The following KAZN variants were observed in gnomAD, a reference collection of about 807,000 sequenced individuals.
KAZN encodes kazrin.
Under a neutral mutation model 87.4 loss-of-function variants are expected in KAZN, and 40 were observed. The ratio of observed to expected loss-of-function variants is 0.46; its 90% CI spans 0.36 to 0.60. The LOEUF (loss-of-function observed/expected upper bound fraction) is 0.60. KAZN is among the 20% of genes least tolerant of loss of function. The pLI is 0.00. For missense variants in KAZN, 898 were observed against 1,073.9 expected (o/e 0.84, Z 2.29); for synonymous variants, 466 against 458.3 (o/e 1.02, Z -0.22).
chr1:14,621,693 T>A (rs898319497), intron 1 of KAZN, among the ~76,000 whole-genome samples: 1 of 152,166 alleles, frequency 6.6e-6, no homozygotes, highest in African/African-American at 2.4e-5. Context: ...CCTGTGGTAG[T>A]GAATAAGTCT....
At chr1:14,088,045 TG>T (rs1290142318) in intron 1 of KAZN, among the ~76,000 whole-genome samples, 29 of 151,220 alleles carry the variant, frequency 1.9e-4, no homozygotes, top group Non-Finnish European at 3.3e-4. Context: ...CTTTAAATGT[TG>T]GGTAAAATTC....
At chr1:15,022,189 C>T (rs919254830) in intron 2 of KAZN, among the ~76,000 whole-genome samples, 2 of 151,898 alleles carry the variant, frequency 1.3e-5, no homozygotes, top group African/African-American at 4.8e-5. Flanking sequence ...GGCCATGCAC[C>T]CCCCTCCCTC....
Position 14,410,983 on chromosome 1 carries a change from A to T in KAZN, c.250-188000A>T, listed in dbSNP as rs570000232. On this transcript the variant is annotated intron_variant, in intron 2 of 16. Coordinates refer to the KAZN transcript ENST00000636203. ...TGTTTAAGCCGCCAAGTTTCTGGTG[A>T]TTTGTTTCAGCATCCCTAGGAAACG... is the stretch of plus-strand genomic sequence containing the variant. Among the ~76,000 whole-genome samples, 5 of 152,332 alleles carry T rather than the reference A, an allele frequency of 3.3e-5. No homozygotes were observed. The East Asian group carries it at 5.8e-4, about 18-fold the overall frequency.
chr1:14,488,075 A>G (rs1669441493), intron 2 of KAZN, among the ~76,000 whole-genome samples: 1 of 152,210 alleles, frequency 6.6e-6, no homozygotes, highest in African/African-American at 2.4e-5. Context: ...GATGCTCAGC[A>G]AGTATTCATT....
chr1:14,568,875 C>T (rs544963044), intron 2 of KAZN, among the ~76,000 whole-genome samples: 38 of 152,328 alleles, frequency 2.5e-4, no homozygotes, highest in South Asian at 2.3e-3. Context: ...CACCAGATTC[C>T]GATCCATTCA....
intron 1 of KAZN, among the ~76,000 whole-genome samples, chr1:13,911,111 C>T (rs1230801024): frequency 1.3e-5 from 2 of 152,090 alleles, no homozygotes; most frequent in South Asian, 2.1e-4. Flanking sequence ...TGCAATGGTG[C>T]CATCTCAGCT....
At chr1:14,293,898 A>G (rs1205692169) in intron 2 of KAZN, among the ~76,000 whole-genome samples, 1 of 152,082 alleles carries the variant, frequency 6.6e-6, no homozygotes, top group Non-Finnish European at 1.5e-5. Context: ...TCCATTGTCC[A>G]CCTCTGCTTT....
At chr1:14,734,020 G>A (rs538037570) in intron 1 of KAZN, among the ~76,000 whole-genome samples, 6 of 152,206 alleles carry the variant, frequency 3.9e-5, no homozygotes, top group South Asian at 2.1e-4. Flanking sequence ...GGATATCTAC[G>A]CCTAACAGGT....
At chr1:14,279,405 T>A (rs1039402750) in intron 2 of KAZN, among the ~76,000 whole-genome samples, 1 of 152,182 alleles carries the variant, frequency 6.6e-6, no homozygotes, top group Non-Finnish European at 1.5e-5. Flanking sequence ...GCTCCCAAAT[T>A]GAACTGGTCT....
At chr1:14,379,446 C>T (rs971317730) in intron 2 of KAZN, among the ~76,000 whole-genome samples, 5 of 151,942 alleles carry the variant, frequency 3.3e-5, no homozygotes, top group Non-Finnish European at 5.9e-5. Context: ...TTTCAGGGTC[C>T]CTGATTTCAG....
At chr1:14,253,551 T>C (rs1479861962) in intron 2 of KAZN, among the ~76,000 whole-genome samples, 1 of 152,164 alleles carries the variant, frequency 6.6e-6, no homozygotes, top group East Asian at 1.9e-4. Flanking sequence ...GGAGGAGATA[T>C]TCGGGCTTTT....
In KAZN at chr1:15,103,377, G is replaced by T; in HGVS notation, c.1798G>T (p.Ala600Ser). 6.4e-7 allele frequency: 1 copy of T among 1,551,762 alleles called. No homozygotes were observed. Among genetic ancestry groups the T allele is most frequent in the Non-Finnish European group, 8.7e-7 (1 of 1,147,086 alleles). The change falls in exon 12 of 15, where the codon GCC (alanine) becomes TCC (serine). Residue 600 changes from alanine to serine, a missense_variant. By Grantham distance (99) the Ala-to-Ser change is moderately conservative. This residue lies in a region of KAZN where 521 missense variants were observed against 689.4 expected (regional missense o/e 0.76). Transcript: ENST00000376030. ...FSREALQERR[A>S]RCETQNIDPV... ...CCACAAGGCCCTCCAGGAGCGCCGGGCCCGCTGCGAGACGCAGAACATTGA... is the reference window on the plus strand; with the variant it reads ...CCACAAGGCCCTCCAGGAGCGCCGGTCCCGCTGCGAGACGCAGAACATTGA...
Position 13,906,889 on chromosome 1 carries a change from C to A in KAZN, c.91+13133C>A, listed in dbSNP as rs564422872. Reference sequence around the variant, plus strand: ...TTCTGGGGCACATCTTCATTCCTAGCGACAGTCAGGCAAACAGACCAAGAG... The same window carrying A: ...TTCTGGGGCACATCTTCATTCCTAGAGACAGTCAGGCAAACAGACCAAGAG... On this transcript the variant is annotated intron_variant, in intron 1 of 16. Transcript: ENST00000636203. Among the ~76,000 whole-genome samples the A allele has an allele frequency of 1.4e-4, 22 of 152,260 alleles. No individual in the cohort carries two copies. The East Asian group carries it at 4.3e-3, about 29-fold the overall frequency.
intron 2 of KAZN, among the ~76,000 whole-genome samples, chr1:14,464,569 C>A (rs946323194): frequency 4.6e-5 from 7 of 151,072 alleles, no homozygotes; most frequent in Admixed American, 1.3e-4. Flanking sequence ...GATGGCGTCT[C>A]ACTCTGTCAC....
intron 2 of KAZN, among the ~76,000 whole-genome samples, chr1:14,977,709 G>C (rs1665792480): frequency 6.6e-6 from 1 of 152,168 alleles, no homozygotes; most frequent in Non-Finnish European, 1.5e-5. Flanking sequence ...GAATGGGCTG[G>C]GACAGCCCTG....
intron 2 of KAZN, among the ~76,000 whole-genome samples, chr1:14,454,811 C>T (rs1667477133): frequency 6.6e-6 from 1 of 152,178 alleles, no homozygotes; most frequent in African/African-American, 2.4e-5. Context: ...CTTCATAACA[C>T]ATTACCTCCA....
chr1:14,304,037 C>T (rs1051702435), intron 2 of KAZN, among the ~76,000 whole-genome samples: 1 of 152,192 alleles, frequency 6.6e-6, no homozygotes, highest in African/African-American at 2.4e-5. Flanking sequence ...TCTTACCTTA[C>T]CAACTTCAAG....
At chr1:14,166,102 G>A (rs1206565848) in intron 1 of KAZN, among the ~76,000 whole-genome samples, 1 of 152,158 alleles carries the variant, frequency 6.6e-6, no homozygotes, top group African/African-American at 2.4e-5. Flanking sequence ...ATCACCTGAG[G>A]TCAGAAATTT....
At chr1:13,981,093 A>ATATATATATATACATATATATATG (rs1638655987) in intron 1 of KAZN, among the ~76,000 whole-genome samples, 1 of 78,150 alleles carries the variant, frequency 1.3e-5, no homozygotes, top group Non-Finnish European at 2.7e-5. Flanking sequence ...TACTCTTTAT[A>ATATATATATATACATATATATATG]TATATATATA....
Sources: gnomAD v4.1 joint callset for allele counts (sites outside exome capture counted in the v4.1 genomes callset) on GRCh38, gnomAD v4.1.1 for gene constraint, gnomAD v4.1.1 regional missense constraint, MANE v1.5 for transcripts, NCBI Gene and HGNC (gene_info 2026-07-23, HGNC 2026-07-21) for gene names.